Variants in RBFOX1 observed in about 807,000 individuals in gnomAD.
RBFOX1 encodes the protein RNA binding fox-1 homolog 1.
RBFOX1 carries 8 observed loss-of-function variants against 57.7 expected under a neutral mutation model. That is an observed-to-expected ratio of 0.14 (90% CI 0.08 to 0.25). The LOEUF is 0.25. Ranked by LOEUF, RBFOX1 falls within the 10% of genes least tolerant of loss-of-function variation. The pLI is 1.00. For synonymous variants in RBFOX1, 326 were observed against 222.4 expected (o/e 1.47, Z -4.15); for missense variants, 611 against 548.5 (o/e 1.11, Z -1.14).
intron 4 of RBFOX1, among the ~76,000 whole-genome samples, chr16:7,239,366 G>T (rs1408679579): frequency 3.3e-5 from 5 of 152,130 alleles, no homozygotes; most frequent in African/African-American, 4.8e-5. Flanking sequence ...AGGCGTGGTG[G>T]TGCATGCCTG....
chr16:7,141,074 CGAT>C lies in RBFOX1; in HGVS notation c.27+88979_27+88981del, dbSNP rs543403946. Among the ~76,000 whole-genome samples the C allele has an allele frequency of 3.3e-5, 5 of 152,104 alleles. No individual in the cohort carries two copies. In the South Asian group the frequency reaches 1.0e-3, roughly 32 times the overall value. On this transcript the variant is annotated intron_variant, in intron 4 of 15. Transcript: ENST00000550418. ...CTCAGCAAACCAGGGAACCTCCTGACGATGAGCTGGGGTGGTTTCTGAACCATG... is the reference window on the plus strand; with the variant it reads ...CTCAGCAAACCAGGGAACCTCCTGACGAGCTGGGGTGGTTTCTGAACCATG...
rs35177784 is a variant in RBFOX1, at chr16:7,186,994, C to CAAAAAAAAAAAAAAAAAAA, written c.27+134902_27+134920dup. Among the ~76,000 whole-genome samples, 23 of 69,260 alleles carry CAAAAAAAAAAAAAAAAAAA rather than the reference C, an allele frequency of 3.3e-4. 1 individual carries two copies. Among genetic ancestry groups the CAAAAAAAAAAAAAAAAAAA allele is most frequent in the African/African-American group, 1.4e-3 (22 of 15,648 alleles). 45.4% of individuals were successfully genotyped at this position (69,260 alleles called of 152,430 possible). A position where few individuals can be genotyped will look rare whatever the true frequency, so the allele number is the denominator to read the frequency against. ...GCAACATGAGGAAACCCCACCTCCACAAAAAAAAAAAAAAAAAAAAAAAAT... is the reference window on the plus strand; with the variant it reads ...GCAACATGAGGAAACCCCACCTCCACAAAAAAAAAAAAAAAAAAAAAAAAAAAAAAAAAAAAAAAAAAAT... On this transcript the variant is annotated intron_variant, in intron 4 of 15. Coordinates refer to ENST00000550418, the MANE Select transcript of RBFOX1 (RefSeq NM_018723.4).
At chr16:5,708,604 G>C (rs2051338631) in intron 3 of RBFOX1, among the ~76,000 whole-genome samples, 1 of 152,134 alleles carries the variant, frequency 6.6e-6, no homozygotes, top group Non-Finnish European at 1.5e-5. Flanking sequence ...GTGTCTTCCA[G>C]TTTCCAGGAG....
chr16:5,696,558 A>G (rs4786059), intron 3 of RBFOX1, among the ~76,000 whole-genome samples: 141,643 of 152,306 alleles, frequency 0.93, 66,027 homozygotes, highest in Non-Finnish European at 0.96. Flanking sequence ...TTTACCGCAT[A>G]TTTCTAAAAC....
intron 3 of RBFOX1, among the ~76,000 whole-genome samples, chr16:6,902,221 G>A (rs950424344): frequency 2.6e-5 from 4 of 152,086 alleles, no homozygotes; most frequent in Non-Finnish European, 4.4e-5. Context: ...GGAAATCATT[G>A]TGTGGAATTA....
chr16:5,714,148 T>G (rs539196396), intron 3 of RBFOX1, among the ~76,000 whole-genome samples: 3 of 152,248 alleles, frequency 2.0e-5, no homozygotes, highest in Non-Finnish European at 2.9e-5. Flanking sequence ...ATAAACATAC[T>G]TGGGATACCT....
chr16:6,213,388 C>G (rs541514162), intron 1 of RBFOX1, among the ~76,000 whole-genome samples: 2 of 152,206 alleles, frequency 1.3e-5, no homozygotes, highest in South Asian at 4.2e-4. Context: ...TGAAGCTTCT[C>G]TTAGCCCCAT....
chr16:5,392,525 A>AT lies in RBFOX1; in HGVS notation c.220-74690dup, dbSNP rs1437266266. Among the ~76,000 whole-genome samples, 3 of 150,892 alleles carry AT rather than the reference A, an allele frequency of 2.0e-5. 1 individual carries two copies. The highest frequency in any genetic ancestry group is 7.3e-5 in the African/African-American group (3 of 41,002). Reference sequence around the variant, plus strand: ...GGAGTATGTCTAATGATATATATATATATATTTTTTTTCTTTTTTTCTTTT... The same window carrying AT: ...GGAGTATGTCTAATGATATATATATATTATATTTTTTTTCTTTTTTTCTTTT... On this transcript the variant is annotated intron_variant, in intron 1 of 2. Coordinates refer to the RBFOX1 transcript ENST00000585867.
intron 1 of RBFOX1, among the ~76,000 whole-genome samples, chr16:5,390,648 G>A (rs564014075): frequency 1.3e-5 from 2 of 152,102 alleles, no homozygotes; most frequent in African/African-American, 2.4e-5. Context: ...TTAGCCAGGC[G>A]AATCTCCCTC....
chr16:7,170,985 C>G (rs532294150), intron 4 of RBFOX1, among the ~76,000 whole-genome samples: 1 of 152,326 alleles, frequency 6.6e-6, no homozygotes, highest in East Asian at 1.9e-4. Flanking sequence ...AAAACACACA[C>G]TCTCCCGTCT....
At chr16:6,207,824 A>G (rs2097265250) in intron 1 of RBFOX1, among the ~76,000 whole-genome samples, 2 of 152,042 alleles carry the variant, frequency 1.3e-5, no homozygotes, top group East Asian at 3.9e-4. Flanking sequence ...CGTAGCTGGG[A>G]CTACAGATGT....
chr16:6,557,096 T>C (rs2097113429), intron 2 of RBFOX1, among the ~76,000 whole-genome samples: 1 of 145,634 alleles, frequency 6.9e-6, no homozygotes, highest in Non-Finnish European at 1.5e-5. Context: ...TACATATACA[T>C]ATATACATAC....
In RBFOX1 at chr16:6,676,242, GT is replaced by G. The variant is rs2057662502; in HGVS notation, c.-16+21594del. Among the ~76,000 whole-genome samples, 8 of 152,040 alleles carry G rather than the reference GT, an allele frequency of 5.3e-5. No homozygotes were observed. In the South Asian group the frequency reaches 1.7e-3, roughly 32 times the overall value. ...GAGAATAGTAGAGGTGAGTGTTGTA[GT>G]TACGGGGAGTTCGGAGGAAGGCCTT... On this transcript the variant is annotated intron_variant, in intron 3 of 15. Coordinates refer to ENST00000550418, the MANE Select transcript of RBFOX1 (RefSeq NM_018723.4).
intron 1 of RBFOX1, among the ~76,000 whole-genome samples, chr16:6,228,793 G>C (rs899942028): frequency 6.6e-6 from 1 of 152,084 alleles, no homozygotes; most frequent in Non-Finnish European, 1.5e-5. Flanking sequence ...TCACCGAGTA[G>C]ATTTTAAGTG....
chr16:7,303,359 A>G (rs1007117168), intron 4 of RBFOX1, among the ~76,000 whole-genome samples: 1 of 151,968 alleles, frequency 6.6e-6, no homozygotes, highest in South Asian at 2.1e-4. Context: ...CCACCTCCTG[A>G]GGAGGGGAAA....
intron 3 of RBFOX1, among the ~76,000 whole-genome samples, chr16:5,817,208 G>T (rs956796437): frequency 1.3e-5 from 2 of 152,134 alleles, no homozygotes; most frequent in African/African-American, 4.8e-5. Flanking sequence ...GTGTGTTGGG[G>T]TGTGCACTTC....
intron 2 of RBFOX1, among the ~76,000 whole-genome samples, chr16:6,592,468 C>G (rs2097724828): frequency 6.6e-6 from 1 of 152,078 alleles, no homozygotes; most frequent in Admixed American, 6.6e-5. Context: ...ATTGTGCAGT[C>G]CTAAGAAATG....
At chr16:5,963,213 C>G (rs968069608) in intron 4 of RBFOX1, among the ~76,000 whole-genome samples, 1 of 152,142 alleles carries the variant, frequency 6.6e-6, no homozygotes, top group African/African-American at 2.4e-5. Context: ...GTATCAAACC[C>G]CAAACCTGAA....
intron 3 of RBFOX1, among the ~76,000 whole-genome samples, chr16:6,745,957 T>C (rs1428397723): frequency 6.6e-6 from 1 of 152,232 alleles, no homozygotes; most frequent in African/African-American, 2.4e-5. Flanking sequence ...TCAATATATG[T>C]AATTCAATTA....
Sources: gnomAD v4.1 joint callset for allele counts (sites outside exome capture counted in the v4.1 genomes callset) on GRCh38, gnomAD v4.1.1 for gene constraint, MANE v1.5 for transcripts, NCBI Gene and HGNC (gene_info 2026-07-23, HGNC 2026-07-21) for gene names.